ERBB4: variants seen among roughly 807,000 people sequenced by gnomAD.
ERBB4 encodes receptor tyrosine-protein kinase erbB-4.
In ERBB4, 42 loss-of-function variants were observed where a neutral mutation model predicts 158.0. The observed-to-expected ratio is 0.27, with a 90% CI of 0.21 to 0.34. ERBB4 has a LOEUF of 0.34. Among genes scored for constraint, ERBB4 ranks in the 10% least tolerant of loss-of-function variants. The pLI is 1.00. For missense variants in ERBB4, 1,333 were observed against 1,624.1 expected (o/e 0.82, Z 3.08); for synonymous variants, 583 against 558.7 (o/e 1.04, Z -0.61).
At chr2:211,908,175 C>A (rs1486213243) in intron 3 of ERBB4, among the ~76,000 whole-genome samples, 4 of 151,786 alleles carry the variant, frequency 2.6e-5, no homozygotes, top group Non-Finnish European at 5.9e-5. Flanking sequence ...TCCCAATGGG[C>A]CCTGAGCGGT....
intron 2 of ERBB4, among the ~76,000 whole-genome samples, chr2:212,090,524 G>T (rs1160884803): frequency 1.3e-5 from 2 of 152,018 alleles, no homozygotes; most frequent in Non-Finnish European, 2.9e-5. Context: ...CTTGGAACTT[G>T]GTCCCTGTGC....
chr2:211,951,459 T>A (rs2080873871), intron 2 of ERBB4, among the ~76,000 whole-genome samples: 1 of 152,118 alleles, frequency 6.6e-6, no homozygotes, highest in African/African-American at 2.4e-5. Context: ...GACCAACTAA[T>A]GCAGAAGAGG....
chr2:211,828,423 G>C (rs1475605121), intron 3 of ERBB4, among the ~76,000 whole-genome samples: 1 of 152,092 alleles, frequency 6.6e-6, no homozygotes, highest in African/African-American at 2.4e-5. Context: ...AGAGCCTGTG[G>C]CATGCCTCCA....
chr2:211,415,102 ATTTTCTTTTTTTT>A (rs2063354030), intron 25 of ERBB4, among the ~76,000 whole-genome samples: 1 of 81,014 alleles, frequency 1.2e-5, no homozygotes, highest in Non-Finnish European at 2.7e-5. Flanking sequence ...TGAAACTTAC[ATTTTCTTTTTTTT>A]TTTTTTTTTT....
chr2:211,901,016 G>T (rs1298646502), intron 3 of ERBB4, among the ~76,000 whole-genome samples: 1 of 152,068 alleles, frequency 6.6e-6, no homozygotes, highest in East Asian at 1.9e-4. Context: ...AAATAGCTCA[G>T]CTTGATTTTA....
intron 1 of ERBB4, among the ~76,000 whole-genome samples, chr2:212,221,137 G>A (rs957030482): frequency 6.6e-6 from 1 of 151,314 alleles, no homozygotes; most frequent in African/African-American, 2.4e-5. Flanking sequence ...GCAGTCTCCA[G>A]TTGCAAATAT....
chr2:212,165,680 T>C (rs2081326988), intron 1 of ERBB4, among the ~76,000 whole-genome samples: 1 of 152,010 alleles, frequency 6.6e-6, no homozygotes, highest in Non-Finnish European at 1.5e-5. Flanking sequence ...ACATTGAATG[T>C]GCAGCAACCA....
At chr2:212,256,853 T>C (rs1490559674) in intron 1 of ERBB4, among the ~76,000 whole-genome samples, 1 of 152,188 alleles carries the variant, frequency 6.6e-6, no homozygotes, top group Non-Finnish European at 1.5e-5. Flanking sequence ...TAAGCAAATA[T>C]CAAGAATATT....
intron 19 of ERBB4, among the ~76,000 whole-genome samples, chr2:211,565,381 T>C (rs1191295086): frequency 2.6e-5 from 4 of 152,112 alleles, no homozygotes; most frequent in Non-Finnish European, 5.9e-5. Context: ...AGTTAGCATA[T>C]GATACATAGG....
At chr2:212,229,565 A>G (rs2083594293) in intron 1 of ERBB4, among the ~76,000 whole-genome samples, 1 of 152,198 alleles carries the variant, frequency 6.6e-6, no homozygotes, top group Admixed American at 6.6e-5. Context: ...AGAGGGTCAT[A>G]AGAGTACTGA....
At chr2:211,557,612 G>A (rs764514098) in intron 20 of ERBB4, among the ~76,000 whole-genome samples, 2 of 151,604 alleles carry the variant, frequency 1.3e-5, no homozygotes, top group African/African-American at 2.4e-5. Context: ...GATGAAAAAA[G>A]GAACACTTAT....
intron 3 of ERBB4, among the ~76,000 whole-genome samples, chr2:211,920,343 T>G (rs553230899): frequency 6.6e-6 from 1 of 152,130 alleles, no homozygotes; most frequent in Admixed American, 6.6e-5. Context: ...TAGTTTTATT[T>G]TCATTACTAA....
intron 1 of ERBB4, among the ~76,000 whole-genome samples, chr2:212,267,322 A>T (rs777787847): frequency 2.6e-5 from 4 of 151,980 alleles, no homozygotes; most frequent in Non-Finnish European, 5.9e-5. Flanking sequence ...GTACAAATTT[A>T]GGGAATATTA....
intron 20 of ERBB4, among the ~76,000 whole-genome samples, chr2:211,479,066 T>G (rs554402025): frequency 6.6e-5 from 10 of 152,262 alleles, no homozygotes; most frequent in Admixed American, 6.6e-4. Flanking sequence ...TCTAACTCAG[T>G]GCTTCTCAAA....
chr2:212,394,471 A>G (rs1051246364), intron 1 of ERBB4, among the ~76,000 whole-genome samples: 2 of 152,014 alleles, frequency 1.3e-5, no homozygotes, highest in African/African-American at 4.8e-5. Context: ...AAACTGGACC[A>G]CCATCTTGAC....
chr2:211,839,651 C>T (rs1477774006), intron 3 of ERBB4, among the ~76,000 whole-genome samples: 2 of 151,998 alleles, frequency 1.3e-5, no homozygotes, highest in Admixed American at 6.6e-5. Flanking sequence ...ATTCTATAAT[C>T]CAAATCTCTT....
At chr2:212,020,553 T>C (rs12466520) in intron 2 of ERBB4, among the ~76,000 whole-genome samples, 9,401 of 152,162 alleles carry the variant, frequency 0.062, 301 homozygotes, top group South Asian at 0.11. Context: ...TTCTTTTACT[T>C]ATATTTATGT....
chr2:211,755,330 G>A (rs886961910), intron 4 of ERBB4, among the ~76,000 whole-genome samples: 2 of 151,954 alleles, frequency 1.3e-5, no homozygotes, highest in Admixed American at 6.6e-5. Flanking sequence ...GGCAAAACCC[G>A]GCCTCTACAA....
chr2:212,233,597 G>T (rs1489870935), intron 1 of ERBB4, among the ~76,000 whole-genome samples: 2 of 151,972 alleles, frequency 1.3e-5, no homozygotes, highest in Non-Finnish European at 2.9e-5. Context: ...ATTATCACAC[G>T]TTTATATTTA....
Sources: allele counts gnomAD v4.1 joint callset (sites outside exome capture counted in the v4.1 genomes callset), GRCh38; gene constraint gnomAD v4.1.1; transcripts MANE v1.5; gene names NCBI Gene and HGNC (gene_info 2026-07-23, HGNC 2026-07-21).